FKBP5: variants seen among roughly 807,000 people sequenced by gnomAD.
FKBP5 encodes peptidyl-prolyl cis-trans isomerase FKBP5.
In FKBP5, 23 loss-of-function variants were observed where a neutral mutation model predicts 50.5. That is an observed-to-expected ratio of 0.46 (90% CI 0.33 to 0.65). The LOEUF (loss-of-function observed/expected upper bound fraction) is 0.65. FKBP5 is among the 30% of genes least tolerant of loss of function. The pLI is 0.02. For synonymous variants in FKBP5, 176 were observed against 190.6 expected (o/e 0.92, Z 0.63); for missense variants, 411 against 553.1 (o/e 0.74, Z 2.58).
intron 1 of FKBP5, among the ~76,000 whole-genome samples, chr6:35,727,587 G>A (rs1265020302): frequency 6.6e-6 from 1 of 152,222 alleles, no homozygotes; most frequent in Non-Finnish European, 1.5e-5. Context: ...AGGCTTCTGT[G>A]AAGGATCAGG....
chr6:35,708,624 G>A (rs1171795724), intron 2 of FKBP5, among the ~76,000 whole-genome samples: 16 of 151,876 alleles, frequency 1.1e-4, no homozygotes, highest in Admixed American at 1.1e-3. Flanking sequence ...AACAGAGATT[G>A]TTAGTTGTGC....
At chr6:35,723,458 A>C (rs1477379447) in intron 1 of FKBP5, among the ~76,000 whole-genome samples, 2 of 152,114 alleles carry the variant, frequency 1.3e-5, no homozygotes, top group African/African-American at 4.8e-5. Flanking sequence ...CAAATGGAAG[A>C]TGCTTCCTGG....
At chr6:35,655,003 T>C (rs542707286) in intron 1 of FKBP5, among the ~76,000 whole-genome samples, 10 of 152,006 alleles carry the variant, frequency 6.6e-5, no homozygotes, top group South Asian at 6.2e-4. Context: ...CTGAGTAACA[T>C]AGTGAAACCC....
Position 35,581,716 on chromosome 6 carries a change from A to G in FKBP5, c.841-1495T>C, listed in dbSNP as rs74363308. The G allele has an allele frequency of 3.0e-3, 2,923 of 985,496 alleles. 43 individuals carry two copies. In the African/African-American group the frequency reaches 0.037, roughly 12 times the overall value. The allele number at this position is 985,496 out of a possible 1,614,324, so 61.0% of individuals were successfully genotyped here. A position where few individuals can be genotyped will look rare whatever the true frequency, so the allele number is the denominator to read the frequency against. On this transcript the variant is annotated intron_variant, in intron 8 of 10. Coordinates refer to ENST00000357266, the MANE Select transcript of FKBP5 (RefSeq NM_004117.4). ...TAAATACGCAAATAGAAACAGGAGT[A>G]CAAGTGGGGATTCTCCTTTGAGGAG... is the stretch of plus-strand genomic sequence containing the variant.
chr6:35,631,196 T>C (rs983681006), intron 3 of FKBP5, among the ~76,000 whole-genome samples: 1 of 152,172 alleles, frequency 6.6e-6, no homozygotes, highest in Non-Finnish European at 1.5e-5. Flanking sequence ...TAGCCCCAAA[T>C]TGCAAACAAC....
intron 6 of FKBP5, among the ~76,000 whole-genome samples, chr6:35,594,621 T>TAC (rs939853219): frequency 5.3e-5 from 8 of 151,990 alleles, no homozygotes; most frequent in Admixed American, 1.3e-4. Context: ...ACAGCATGCA[T>TAC]ACACACACAC....
At chr6:35,664,045 T>C (rs906288005) in intron 1 of FKBP5, among the ~76,000 whole-genome samples, 20 of 152,224 alleles carry the variant, frequency 1.3e-4, no homozygotes. Context: ...CTAACTATTT[T>C]ACATACTGAC....
At chr6:35,593,989 G>C (rs1762901356) in intron 6 of FKBP5, among the ~76,000 whole-genome samples, 1 of 152,258 alleles carries the variant, frequency 6.6e-6, no homozygotes, top group African/African-American at 2.4e-5. Flanking sequence ...ACAATACAAA[G>C]GGAAGATATT....
chr6:35,596,358 T>A (rs1393320983), intron 6 of FKBP5, among the ~76,000 whole-genome samples: 2 of 151,326 alleles, frequency 1.3e-5, no homozygotes, highest in Non-Finnish European at 3.0e-5. Flanking sequence ...CATCTCAAAA[T>A]ATATATATAT....
chr6:35,704,119 G>A (rs905432153), intron 2 of FKBP5, among the ~76,000 whole-genome samples: 1 of 152,146 alleles, frequency 6.6e-6, no homozygotes, highest in East Asian at 1.9e-4. Context: ...ATCCACTAAT[G>A]ATACACCTGG....
chr6:35,630,092 T>C (rs546129636), intron 3 of FKBP5, among the ~76,000 whole-genome samples: 1 of 151,292 alleles, frequency 6.6e-6, no homozygotes, highest in African/African-American at 2.4e-5. Context: ...GTTATGATGG[T>C]GCCATTGCAT....
At position 35,574,037 on chromosome 6, in the gene FKBP5, A is replaced by G. The variant is rs1276589273; in HGVS notation, c.*1798T>C. 1 of 152,226 alleles carries G rather than the reference A, an allele frequency of 6.6e-6. No individual in the cohort carries two copies. The highest frequency in any genetic ancestry group is 1.5e-5 in the Non-Finnish European group (1 of 68,036). 9.4% of individuals were successfully genotyped at this position (152,226 alleles called of 1,614,324 possible). On this transcript the variant is annotated 3_prime_UTR_variant, in exon 11 of 11. Coordinates refer to ENST00000357266, the MANE Select transcript of FKBP5 (RefSeq NM_004117.4). ...AACCATGCTCTACAGAGCTTTCCCA[A>G]CAGTTTAGCAAGTAAGCAAAATCAG...
chr6:35,707,467 C>T (rs1234963776), intron 2 of FKBP5, among the ~76,000 whole-genome samples: 5 of 151,936 alleles, frequency 3.3e-5, no homozygotes, highest in African/African-American at 4.8e-5. Flanking sequence ...GTAATCCGCC[C>T]GCCTCGGCCT....
chr6:35,697,338 G>T (rs543678617), intron 2 of FKBP5, among the ~76,000 whole-genome samples: 1 of 151,916 alleles, frequency 6.6e-6, no homozygotes, highest in Non-Finnish European at 1.5e-5. Context: ...ACCTGAGGTC[G>T]GGAGTTCAAG....
chr6:35,645,572 A>G (rs1320200783), intron 1 of FKBP5, among the ~76,000 whole-genome samples: 2 of 152,238 alleles, frequency 1.3e-5, no homozygotes, highest in African/African-American at 4.8e-5. Flanking sequence ...ACAAAATATA[A>G]GAACTTGGAA....
At chr6:35,686,572 T>C (rs929908609) in intron 1 of FKBP5, among the ~76,000 whole-genome samples, 4 of 152,194 alleles carry the variant, frequency 2.6e-5, no homozygotes, top group Admixed American at 1.3e-4. Context: ...ACTATTTACA[T>C]AGAATAAGCC....
intron 1 of FKBP5, among the ~76,000 whole-genome samples, chr6:35,722,098 C>T (rs891919406): frequency 6.6e-6 from 1 of 151,450 alleles, no homozygotes. Context: ...GCAGACCCCC[C>T]ATCACACTCC....
intron 5 of FKBP5, among the ~76,000 whole-genome samples, chr6:35,607,362 T>C (rs1260970591): frequency 2.0e-5 from 3 of 150,100 alleles, no homozygotes; most frequent in African/African-American, 7.5e-5. Flanking sequence ...TGCACCACCA[T>C]GCTTGGCCTT....
At chr6:35,630,472 G>A (rs535628691) in intron 3 of FKBP5, among the ~76,000 whole-genome samples, 4 of 152,218 alleles carry the variant, frequency 2.6e-5, no homozygotes, top group East Asian at 1.9e-4. Flanking sequence ...ACTTGAACCC[G>A]GGAGGCAGAG....
Sources: gnomAD v4.1 joint callset for allele counts (sites outside exome capture counted in the v4.1 genomes callset) on GRCh38, gnomAD v4.1.1 for gene constraint, MANE v1.5 for transcripts, NCBI Gene and HGNC (gene_info 2026-07-23, HGNC 2026-07-21) for gene names.